HMG20B: variants seen among roughly 807,000 people sequenced by gnomAD.
HMG20B encodes high mobility group 20B.
In HMG20B, 24 loss-of-function variants were observed where a neutral mutation model predicts 41.6. That is an observed-to-expected ratio of 0.58 (90% CI 0.42 to 0.81). The LOEUF (loss-of-function observed/expected upper bound fraction) is 0.81, where lower values mean the gene tolerates loss of function less well. Ranked by LOEUF, HMG20B falls within the 30% of genes least tolerant of loss-of-function variation. The pLI, the probability that HMG20B is intolerant of heterozygous loss-of-function variation, is 0.00. For missense variants in HMG20B, 461 were observed against 444.0 expected, an observed-to-expected ratio of 1.04 and a Z score of -0.34; for synonymous variants, 251 against 186.6, an observed-to-expected ratio of 1.34 and a Z score of -2.81.
chr19:3,574,350 C>T lies in HMG20B; in HGVS notation c.148-33C>T, dbSNP rs758817885. 2.4e-5 allele frequency: 37 copies of T among 1,546,614 alleles called. 1 individual carries two copies. The South Asian group carries it at 3.4e-4, about 14-fold the overall frequency. ...CTGAGCCCTGCCCCAGTACGCCAGG[C>T]CCCCCTCCCAACGACGCAGCCCGGT... On this transcript the variant is annotated intron_variant, in intron 3 of 9. Transcript: ENST00000333651.
At position 3,576,564 on chromosome 19, in the gene HMG20B, C is replaced by T. The variant is rs1179108408; in HGVS notation, c.531C>T (p.Cys177=). 2.5e-6 allele frequency: 4 copies of T among 1,613,096 alleles called. No homozygotes were observed. The highest frequency in any genetic ancestry group is 1.1e-5 in the South Asian group (1 of 90,922). ...TCCCTTCGTCTTAGGGTGGGGACTG[C>T]GATGGCTTCTCCACCTTCGATGTTC... The part of the protein sequence containing the change: ...TLLNGHKGGD[C]DGFSTFDVPI... The change falls in exon 7 of 10, where the codon TGC becomes TGT. Residue 177 remains cysteine, a synonymous_variant. Coordinates refer to ENST00000333651, the MANE Select transcript of HMG20B (RefSeq NM_006339.3).
intron 9 of HMG20B, 147 bp downstream of exon 9, chr19:3,578,260 C>G (rs1210640123): frequency 8.0e-7 from 1 of 1,244,222 alleles, no homozygotes; most frequent in African/African-American, 1.5e-5. Context: ...GCGGTCGCCC[C>G]TGATGCACCA....
intron 8 of HMG20B, among the ~76,000 whole-genome samples, chr19:3,577,332 C>T (rs1402582651): frequency 6.7e-6 from 1 of 148,838 alleles, no homozygotes; most frequent in Non-Finnish European, 1.5e-5. Context: ...TGGTTCTTCC[C>T]AGACCACACC....
Position 3,574,041 on chromosome 19 carries a change from T to C in HMG20B, c.147+241T>C, listed in dbSNP as rs183318158. The C allele has an allele frequency of 3.3e-5, 22 of 658,750 alleles. No individual in the cohort carries two copies. In the African/African-American group the frequency reaches 3.9e-4, roughly 12 times the overall value. The allele number at this position is 658,750 out of a possible 1,614,324, so 40.8% of individuals were successfully genotyped here. ...ACTCTAAGGTCCCGCCCACTTCCAC[T>C]CCTTGGGGGCGGCACCCTCCCCTTG... On this transcript the variant is annotated intron_variant, in intron 3 of 9. Transcript: ENST00000333651.
intron 9 of HMG20B, 122 bp downstream of exon 9, chr19:3,578,235 C>A: frequency 7.2e-7 from 1 of 1,388,306 alleles, no homozygotes; most frequent in Non-Finnish European, 9.7e-7. Flanking sequence ...GATCACCTCC[C>A]GGAGGGGCCT....
intron 9 of HMG20B, 114 bp from the exon 10 acceptor site, chr19:3,578,395 A>G (rs1339314053): frequency 1.4e-6 from 2 of 1,393,432 alleles, no homozygotes; most frequent in African/African-American, 2.9e-5. Flanking sequence ...CTGTCCCCCA[A>G]CCCTGGCATC....
intron 6 of HMG20B, 90 bp downstream of exon 6, chr19:3,576,397 G>C: frequency 7.0e-7 from 1 of 1,438,454 alleles, no homozygotes; most frequent in Non-Finnish European, 9.8e-7. Flanking sequence ...TCGCCCAGAT[G>C]TGTGCAAGCA....
At chr19:3,577,156 C>CCCG (rs2032182694) in intron 8 of HMG20B, 49 bp downstream of exon 8, 16 of 1,241,376 alleles carry the variant, frequency 1.3e-5, no homozygotes, top group Non-Finnish European at 1.7e-5. Flanking sequence ...CCCGGCCCCG[C>CCCG]CCGCCTCCCC....
intron 6 of HMG20B, 102 bp from the exon 7 acceptor site, chr19:3,576,451 C>G: frequency 7.4e-7 from 1 of 1,345,212 alleles, no homozygotes; most frequent in South Asian, 1.2e-5. Flanking sequence ...GATTGTACTC[C>G]CACCGGGGTG....
rs765570512 is a variant in HMG20B at position 3,573,364 on chromosome 19, C to G, written c.38+17C>G. 9.9e-6 allele frequency: 15 copies of G among 1,521,028 alleles called. No individual in the cohort carries two copies. The highest frequency in any genetic ancestry group is 1.3e-5 in the Non-Finnish European group (15 of 1,134,140). The allele number at this position is 1,521,028 out of a possible 1,614,324, so 94.2% of individuals were successfully genotyped here. A position where few individuals can be genotyped will look rare whatever the true frequency, so the allele number is the denominator to read the frequency against. ...GGCCGCCGCGTGAGTGCACTGATCC[C>G]CTCCCCACGCCCTCGCTACTTTCCC... On this transcript the variant is annotated intron_variant, in intron 2 of 9. Coordinates refer to ENST00000333651, the MANE Select transcript of HMG20B (RefSeq NM_006339.3).
intron 3 of HMG20B, 182 bp downstream of exon 3, chr19:3,573,982 A>G (rs1461949340): frequency 4.2e-6 from 3 of 710,556 alleles, no homozygotes; most frequent in Non-Finnish European, 7.6e-6. Flanking sequence ...CTCTAAGTCC[A>G]GGCCCCGCCC....
intron 5 of HMG20B, chr19:3,575,907 G>C (rs909247276): frequency 2.1e-6 from 1 of 480,830 alleles, no homozygotes; most frequent in Non-Finnish European, 3.7e-6. Flanking sequence ...TTGCGCCATT[G>C]CACTCTAGCC....
intron 8 of HMG20B, 82 bp downstream of exon 8, chr19:3,577,189 C>T (rs1338257415): frequency 1.9e-6 from 2 of 1,050,086 alleles, no homozygotes; most frequent in Non-Finnish European, 2.6e-6. Flanking sequence ...TTCCCCCCTT[C>T]CCCTGTCGCC....
chr19:3,574,172 C>T (rs1453823117), intron 3 of HMG20B: 3 of 610,810 alleles, frequency 4.9e-6, no homozygotes, highest in African/African-American at 3.7e-5. Context: ...GCCCATAGTT[C>T]CTCAGATCCC....
chr19:3,574,056 C>T (rs993964291), intron 3 of HMG20B: 26 of 655,814 alleles, frequency 4.0e-5, no homozygotes, highest in Non-Finnish European at 6.0e-5. Flanking sequence ...GGGGGCGGCA[C>T]CCTCCCCTTG....
In HMG20B at chr19:3,573,282, C is replaced by T. The variant is rs1379309270; in HGVS notation, c.-18-10C>T. The T allele has an allele frequency of 6.6e-7, 1 of 1,519,616 alleles. No individual in the cohort carries two copies. Among genetic ancestry groups the T allele is most frequent in the East Asian group, 2.6e-5 (1 of 38,018 alleles). The allele number at this position is 1,519,616 out of a possible 1,614,324, so 94.1% of individuals were successfully genotyped here. On this transcript the variant is annotated splice_polypyrimidine_tract_variant and intron_variant, in intron 1 of 9. Transcript: ENST00000333651. ...GGCGCTACTCACCTCCGCCCGCGTC[C>T]GTGTTCCAGGTCCGGCCCGGAGCGG...
At position 3,574,420 on chromosome 19, in the gene HMG20B, GGAA is replaced by G; in HGVS notation, c.191_193del (p.Lys64del). 1 of 1,606,330 alleles carries G rather than the reference GGAA, an allele frequency of 6.2e-7. No individual in the cohort carries two copies. Among genetic ancestry groups the G allele is most frequent in the Non-Finnish European group, 8.5e-7 (1 of 1,177,126 alleles). ...CGCGGCTGGCCCAAGGGCAAGAAGC[GGAA>G]GAAGATTCTGCCGAATGGGCCCAAG... On this transcript the variant is annotated inframe_deletion, in exon 4 of 10. Transcript: ENST00000333651.
At chr19:3,574,865 C>T (rs892029656) in intron 4 of HMG20B, among the ~76,000 whole-genome samples, 4 of 152,126 alleles carry the variant, frequency 2.6e-5, no homozygotes, top group Non-Finnish European at 4.4e-5. Context: ...ATTACAGGCG[C>T]GTGCTACCAT....
chr19:3,575,707 T>C, intron 5 of HMG20B, 47 bp downstream of exon 5: 1 of 1,508,560 alleles, frequency 6.6e-7, no homozygotes, highest in Non-Finnish European at 9.0e-7. Flanking sequence ...TCCCAGCACT[T>C]TGGGAGGCCG....
Sources: gnomAD v4.1 joint callset for allele counts (sites outside exome capture counted in the v4.1 genomes callset) on GRCh38, gnomAD v4.1.1 for gene constraint, MANE v1.5 for transcripts, NCBI Gene and HGNC (gene_info 2026-07-23, HGNC 2026-07-21) for gene names.